The following ZFPM2 variants were observed in gnomAD, a reference collection of about 807,000 sequenced individuals.
ZFPM2 encodes the protein zinc finger protein, FOG family member 2.
A neutral mutation model predicts 98.6 loss-of-function variants in ZFPM2; 20 were observed. That is an observed-to-expected ratio of 0.20 (90% CI 0.14 to 0.29). The LOEUF (loss-of-function observed/expected upper bound fraction) is 0.29. ZFPM2 is among the 10% of genes least tolerant of loss of function. ZFPM2 has a pLI of 1.00. For synonymous variants in ZFPM2, 518 were observed against 502.7 expected (o/e 1.03, Z -0.41); for missense variants, 1,310 against 1,388.6 (o/e 0.94, Z 0.90).
chr8:105,333,787 G>A (rs1471911063), intron 1 of ZFPM2, among the ~76,000 whole-genome samples: 2 of 148,302 alleles, frequency 1.3e-5, no homozygotes, highest in Non-Finnish European at 1.5e-5. Flanking sequence ...TCAAAGACTC[G>A]TAAAATGAAA....
intron 3 of ZFPM2, among the ~76,000 whole-genome samples, chr8:105,491,514 C>T (rs571291492): frequency 2.2e-4 from 34 of 152,174 alleles, no homozygotes; most frequent in Non-Finnish European, 4.3e-4. Context: ...AAGTAAATTC[C>T]GGACTGTGAG....
At chr8:105,790,945 C>A (rs1235553774) in intron 6 of ZFPM2, among the ~76,000 whole-genome samples, 1 of 152,116 alleles carries the variant, frequency 6.6e-6, no homozygotes, top group Admixed American at 6.5e-5. Flanking sequence ...GATTTTGTGT[C>A]CTGAGACTTT....
intron 5 of ZFPM2, among the ~76,000 whole-genome samples, chr8:105,656,156 A>AGC (rs145952652): frequency 6.6e-6 from 1 of 151,418 alleles, no homozygotes; most frequent in Non-Finnish European, 1.5e-5. Flanking sequence ...GACAGACAGA[A>AGC]ACACACACAC....
chr8:105,413,106 G>T (rs901717872), intron 1 of ZFPM2, among the ~76,000 whole-genome samples: 1 of 151,554 alleles, frequency 6.6e-6, no homozygotes, highest in Admixed American at 6.6e-5. Context: ...GGATATATAC[G>T]TACAGAACAT....
At chr8:105,425,717 A>G (rs112120924) in intron 2 of ZFPM2, among the ~76,000 whole-genome samples, 19 of 152,186 alleles carry the variant, frequency 1.2e-4, no homozygotes, top group African/African-American at 4.3e-4. Flanking sequence ...GAAAAGCCAT[A>G]TTCCTCCTTG....
At position 105,599,881 on chromosome 8, in the gene ZFPM2, A is replaced by G. The variant is rs530850598; in HGVS notation, c.421-34365A>G. 8.5e-5 allele frequency among the ~76,000 whole-genome samples: 13 copies of G among 152,270 alleles called. No individual in the cohort carries two copies. In the South Asian group the frequency reaches 2.7e-3, roughly 32 times the overall value. On this transcript the variant is annotated intron_variant, in intron 4 of 7. Coordinates refer to ENST00000407775, the MANE Select transcript of ZFPM2 (RefSeq NM_012082.4). The stretch of plus-strand genomic sequence containing the variant: ...ATAGTATGAATGTGCACTTTAAAAA[A>G]AAAATTCTCCACCTCTTAAGAGATG...
At position 105,407,108 on chromosome 8, in the gene ZFPM2, ATT is replaced by A. The variant is rs5893742; in HGVS notation, c.41-12020_41-12019del. Among the ~76,000 whole-genome samples the A allele has an allele frequency of 1.9e-3, 245 of 130,800 alleles. 1 individual carries two copies. The highest frequency in any genetic ancestry group is 4.0e-3 in the Middle Eastern group (1 of 248). 85.8% of individuals were successfully genotyped at this position (130,800 alleles called of 152,430 possible). On this transcript the variant is annotated intron_variant, in intron 1 of 7. Coordinates refer to ENST00000407775, the MANE Select transcript of ZFPM2 (RefSeq NM_012082.4). ...GGTGGGAATCAGATTAAATGCTCTA[ATT>A]TTTTTTTTTTTTTTTGCATTTGCTG...
rs572459603 is a variant in ZFPM2, at chr8:105,468,465, T to C, written c.301+24084T>C. Reference sequence around the variant, plus strand: ...CCTTCTCTATGTATAACTGGCTGTGTGTTACTTTGCAACCTCAATGAGGAC... The same window carrying C: ...CCTTCTCTATGTATAACTGGCTGTGCGTTACTTTGCAACCTCAATGAGGAC... On this transcript the variant is annotated intron_variant, in intron 3 of 7. Transcript: ENST00000407775. 2.0e-5 allele frequency among the ~76,000 whole-genome samples: 3 copies of C among 152,260 alleles called. No individual in the cohort carries two copies. In the South Asian group the frequency reaches 6.2e-4, roughly 32 times the overall value.
chr8:105,746,688 G>C (rs1294122461), intron 5 of ZFPM2, among the ~76,000 whole-genome samples: 1 of 68,908 alleles, frequency 1.5e-5, no homozygotes, highest in African/African-American at 5.5e-5. Flanking sequence ...GGTGAATTTT[G>C]ATCAGTGGGG....
intron 4 of ZFPM2, among the ~76,000 whole-genome samples, chr8:105,599,648 G>A (rs1479825315): frequency 6.6e-6 from 1 of 152,034 alleles, no homozygotes; most frequent in Non-Finnish European, 1.5e-5. Context: ...TTTCATCTAT[G>A]GCAACATTTA....
intron 3 of ZFPM2, among the ~76,000 whole-genome samples, chr8:105,515,649 G>A (rs1261923705): frequency 2.6e-5 from 4 of 152,178 alleles, no homozygotes; most frequent in Non-Finnish European, 5.9e-5. Context: ...GTTTACAGAA[G>A]TAAAAATGGC....
chr8:105,511,203 C>T (rs1316918047), intron 3 of ZFPM2, among the ~76,000 whole-genome samples: 3 of 152,222 alleles, frequency 2.0e-5, no homozygotes, highest in African/African-American at 7.2e-5. Context: ...CAGCAGCTTC[C>T]ACTTCTGCTA....
intron 3 of ZFPM2, among the ~76,000 whole-genome samples, chr8:105,511,105 C>T (rs1032682189): frequency 2.0e-5 from 3 of 152,154 alleles, no homozygotes; most frequent in African/African-American, 7.2e-5. Context: ...TCCCACTGAG[C>T]AAGAATGGCC....
intron 5 of ZFPM2, among the ~76,000 whole-genome samples, chr8:105,726,151 G>A (rs1204666157): frequency 6.6e-6 from 1 of 151,542 alleles, no homozygotes; most frequent in African/African-American, 2.4e-5. Context: ...GCTGGCAGTA[G>A]GCTGCGTCTG....
At chr8:105,717,120 C>T (rs1486287484) in intron 5 of ZFPM2, among the ~76,000 whole-genome samples, 1 of 152,040 alleles carries the variant, frequency 6.6e-6, no homozygotes, top group Non-Finnish European at 1.5e-5. Flanking sequence ...TTTCAATACT[C>T]TCTACTGATA....
At chr8:105,797,222 C>T (rs879054968) in intron 6 of ZFPM2, 4 of 152,182 alleles carry the variant, frequency 2.6e-5, no homozygotes, top group Admixed American at 6.5e-5. Flanking sequence ...CCAGTCTCCT[C>T]ACCTATAAGT....
intron 4 of ZFPM2, among the ~76,000 whole-genome samples, chr8:105,588,975 G>A (rs2130759858): frequency 6.6e-6 from 1 of 152,250 alleles, no homozygotes; most frequent in Non-Finnish European, 1.5e-5. Context: ...ACAGTTGAAT[G>A]AGATTTAAGA....
At chr8:105,741,978 G>A (rs2131034633) in intron 5 of ZFPM2, among the ~76,000 whole-genome samples, 1 of 152,166 alleles carries the variant, frequency 6.6e-6, no homozygotes, top group East Asian at 1.9e-4. Flanking sequence ...GTAGGGATAT[G>A]CGGAGGTGAA....
intron 3 of ZFPM2, among the ~76,000 whole-genome samples, chr8:105,499,218 G>A (rs1411319053): frequency 2.7e-5 from 4 of 150,634 alleles, no homozygotes; most frequent in Admixed American, 6.6e-5. Flanking sequence ...CAGGCAATGC[G>A]ACGTCAGTTT....
Sources: gnomAD v4.1 joint callset for allele counts (sites outside exome capture counted in the v4.1 genomes callset) on GRCh38, gnomAD v4.1.1 for gene constraint, MANE v1.5 for transcripts, NCBI Gene and HGNC (gene_info 2026-07-23, HGNC 2026-07-21) for gene names.